Variants in ARFGEF1 observed in about 807,000 individuals in gnomAD.
The protein encoded by ARFGEF1 is brefeldin A-inhibited guanine nucleotide-exchange protein 1.
A neutral mutation model predicts 231.0 loss-of-function variants in ARFGEF1; 42 were observed. The ratio of observed to expected loss-of-function variants is 0.18; its 90% CI spans 0.14 to 0.24. ARFGEF1 has a LOEUF of 0.24. Among genes scored for constraint, ARFGEF1 ranks in the 10% least tolerant of loss-of-function variants. The probability of loss-of-function intolerance (pLI) is 1.00; values close to 1 mark genes in which losing one functional copy is unlikely to be tolerated. For missense variants in ARFGEF1, 1,345 were observed against 2,192.0 expected, an observed-to-expected ratio of 0.61 and a Z score of 7.72; for synonymous variants, 710 against 732.3, an observed-to-expected ratio of 0.97 and a Z score of 0.49.
chr8:67,233,473 C>T (rs1839618270), intron 22 of ARFGEF1, among the ~76,000 whole-genome samples: 1 of 152,014 alleles, frequency 6.6e-6, no homozygotes, highest in African/African-American at 2.4e-5. Context: ...TATTCCCAGT[C>T]TTCAAATTCT....
At chr8:67,187,107 A>G (rs1483947173) in intron 5 of ARFGEF1, among the ~76,000 whole-genome samples, 2 of 152,176 alleles carry the variant, frequency 1.3e-5, no homozygotes, top group Non-Finnish European at 2.9e-5. Flanking sequence ...ATGACCATGC[A>G]CAGGATGACT....
In ARFGEF1 at chr8:67,267,357, G is replaced by A. The variant is rs749187709; in HGVS notation, c.1658C>T (p.Thr553Met). The A allele has an allele frequency of 5.6e-6, 9 of 1,608,958 alleles. No individual in the cohort carries two copies. The highest frequency in any genetic ancestry group is 2.7e-5 in the African/African-American group (2 of 74,678). ...ATTTAAAATACCTGCACAAATCCTCGTCAGTGTCTGAATAACCATCCATTT... is the reference window on the plus strand; with the variant it reads ...ATTTAAAATACCTGCACAAATCCTCATCAGTGTCTGAATAACCATCCATTT... ...DHKWMVIQTL[T>M]RICADAQSVV... Residue 553 changes from threonine to methionine, a missense_variant, in exon 11 of 39, where the codon ACG (threonine) becomes ATG (methionine). Thr to Met is a moderately conservative substitution (Grantham distance 81). Transcript: ENST00000262215.
chr8:67,211,467 T>G lies in ARFGEF1; in HGVS notation c.4819+16A>C, dbSNP rs1410376962. The stretch of plus-strand genomic sequence containing the variant: ...CATAAAACACAAATTTATTTTTATT[T>G]AGAGAAATAACTCACTTGCTGTAGA... On this transcript the variant is annotated intron_variant, in intron 34 of 38. Transcript: ENST00000262215. 1 of 1,546,474 alleles carries G rather than the reference T, an allele frequency of 6.5e-7. No homozygotes were observed.
intron 23 of ARFGEF1, among the ~76,000 whole-genome samples, chr8:67,230,506 A>G (rs1839519721): frequency 6.6e-6 from 1 of 152,076 alleles, no homozygotes; most frequent in African/African-American, 2.4e-5. Flanking sequence ...TTTCACAATG[A>G]ATATATCAGA....
At chr8:67,338,839 T>TTATAATTTG (rs1299203057) in intron 1 of ARFGEF1, among the ~76,000 whole-genome samples, 14 of 152,342 alleles carry the variant, frequency 9.2e-5, no homozygotes. Context: ...TGTTAATGGA[T>TTATAATTTG]TTAAATTATA....
At chr8:67,188,413 C>T (rs1044841800) in intron 5 of ARFGEF1, among the ~76,000 whole-genome samples, 1 of 152,100 alleles carries the variant, frequency 6.6e-6, no homozygotes, top group Non-Finnish European at 1.5e-5. Flanking sequence ...AAAGAGGGCT[C>T]ACTAAAATAC....
rs1371229274 is a variant in ARFGEF1 at position 67,266,163 on chromosome 8, G to A, written c.1966C>T (p.Pro656Ser). The A allele has an allele frequency of 1.9e-6, 3 of 1,613,452 alleles. No individual in the cohort carries two copies. Among genetic ancestry groups the A allele is most frequent in the Non-Finnish European group, 2.5e-6 (3 of 1,179,788 alleles). The change falls in exon 14 of 39, where the codon CCT becomes TCT. Residue 656 changes from proline (P) to serine (S), a missense_variant. Transcript: ENST00000262215. Reference protein sequence around the residue: ...SEQEMSEIKHPETINRYGSLN... With the variant: ...SEQEMSEIKHSETINRYGSLN... The stretch of plus-strand genomic sequence containing the variant: ...CTTCCGTATCTGTTTATTGTCTCAG[G>A]GTGTTTGATTTCACTCATCTCTTGC...
At chr8:67,200,566 T>C in intron 37 of ARFGEF1, 53 bp from the exon 38 acceptor site, 1 of 1,094,286 alleles carries the variant, frequency 9.1e-7, no homozygotes, top group Non-Finnish European at 1.4e-6. Flanking sequence ...CTGGTCCCCA[T>C]ATTCACCGAG....
chr8:67,263,644 G>A (rs1406942717), intron 14 of ARFGEF1, among the ~76,000 whole-genome samples: 4 of 152,050 alleles, frequency 2.6e-5, no homozygotes, highest in Non-Finnish European at 5.9e-5. Flanking sequence ...TCTTCCTAAA[G>A]GTTCCCTTGT....
intron 1 of ARFGEF1, among the ~76,000 whole-genome samples, chr8:67,336,008 C>T (rs1221688790): frequency 6.6e-6 from 1 of 151,954 alleles, no homozygotes; most frequent in African/African-American, 2.4e-5. Context: ...CTCGGCCTCC[C>T]GAAGTGCTGG....
chr8:67,224,176 T>C (rs1227989997), intron 29 of ARFGEF1, among the ~76,000 whole-genome samples: 2 of 152,000 alleles, frequency 1.3e-5, no homozygotes, highest in Non-Finnish European at 2.9e-5. Context: ...TTCTTCCAAA[T>C]AAGATGGAAA....
chr8:67,232,708 T>C (rs1839594249), intron 23 of ARFGEF1, 147 bp downstream of exon 23: 3 of 569,842 alleles, frequency 5.3e-6, no homozygotes, highest in Non-Finnish European at 8.5e-6. Flanking sequence ...AGGTACTTCA[T>C]CATCTAAATC....
At chr8:67,330,843 C>G (rs527593210) in intron 1 of ARFGEF1, among the ~76,000 whole-genome samples, 2 of 152,100 alleles carry the variant, frequency 1.3e-5, no homozygotes, top group Non-Finnish European at 2.9e-5. Context: ...TCTCAATTAT[C>G]AGGTAAAAAG....
At chr8:67,336,981 A>G (rs1808370832) in intron 1 of ARFGEF1, among the ~76,000 whole-genome samples, 1 of 151,604 alleles carries the variant, frequency 6.6e-6, no homozygotes, top group Non-Finnish European at 1.5e-5. Flanking sequence ...ATACAAAAAA[A>G]ATCAGCCGGG....
chr8:67,307,491 T>A (rs767886023), intron 1 of ARFGEF1, among the ~76,000 whole-genome samples: 10 of 152,204 alleles, frequency 6.6e-5, no homozygotes, highest in Non-Finnish European at 1.0e-4. Context: ...AACAATCTCA[T>A]TAACCTAGTA....
chr8:67,191,010 CCTT>C (rs1010935817), intron 5 of ARFGEF1, among the ~76,000 whole-genome samples: 2 of 152,206 alleles, frequency 1.3e-5, no homozygotes, highest in Non-Finnish European at 2.9e-5. Flanking sequence ...TCCCAACCTT[CCTT>C]CTTCTCCTGC....
chr8:67,245,017 T>C (rs946102116), intron 19 of ARFGEF1, among the ~76,000 whole-genome samples: 1 of 150,696 alleles, frequency 6.6e-6, no homozygotes, highest in Non-Finnish European at 1.5e-5. Flanking sequence ...CTCCAATATG[T>C]CTGGCAGCAG....
intron 1 of ARFGEF1, among the ~76,000 whole-genome samples, chr8:67,311,801 G>A (rs1167141136): frequency 6.6e-6 from 1 of 152,200 alleles, no homozygotes; most frequent in Non-Finnish European, 1.5e-5. Flanking sequence ...AGAAAGGCGG[G>A]AAAGGTGGGG....
Position 67,258,109 on chromosome 8 carries a change from G to A in ARFGEF1, c.2417C>T (p.Ala806Val). 6.2e-7 allele frequency: 1 copy of A among 1,613,698 alleles called. No homozygotes were observed. Residue 806 changes from alanine (A) to valine (V), a missense_variant, in exon 16 of 39, where the codon GCA becomes GTA. Coordinates refer to ENST00000262215, the MANE Select transcript of ARFGEF1 (RefSeq NM_006421.5). ...CCCTTGGTTGCATTCTAGGTATCTT[G>A]CAGCAAATTTTTCCATTAATCGATC... ...KIDRLMEKFA[A>V]RYLECNQGQT...
Sources: gnomAD v4.1 joint callset for allele counts (sites outside exome capture counted in the v4.1 genomes callset) on GRCh38, gnomAD v4.1.1 for gene constraint, MANE v1.5 for transcripts, NCBI Gene and HGNC (gene_info 2026-07-23, HGNC 2026-07-21) for gene names.